The following MOCOS variants were observed in gnomAD, a reference collection of about 807,000 sequenced individuals.
The protein encoded by MOCOS is human molybdenum cofactor sulfurase.
Under a neutral mutation model 83.6 loss-of-function variants are expected in MOCOS, and 86 were observed. The ratio of observed to expected loss-of-function variants is 1.03; its 90% confidence interval spans 0.86 to 1.23. The LOEUF (loss-of-function observed/expected upper bound fraction) is 1.23, where lower values mean the gene tolerates loss of function less well. Ranked by LOEUF, MOCOS falls within the 50% of genes most tolerant of loss-of-function variation. The pLI, the probability that MOCOS is intolerant of heterozygous loss-of-function variation, is 0.00. For missense variants in MOCOS, 1,120 were observed against 1,126.9 expected (o/e 0.99, Z 0.09); for synonymous variants, 445 against 434.7 (o/e 1.02, Z -0.29).
In MOCOS at chr18:36,256,983, C is replaced by A; in HGVS notation, c.2180C>A (p.Thr727Lys). ...KKHGKDQLPG[T>K]MATLSLVNEA... Reference sequence around the variant, plus strand: ...TCATTTTCAGATCAACTTCCTGGTACAATGGCCACCCTTTCTCTGGTGAAT... The same window carrying A: ...TCATTTTCAGATCAACTTCCTGGTAAAATGGCCACCCTTTCTCTGGTGAAT... The change falls in exon 12 of 15, where the codon ACA becomes AAA. Residue 727 changes from threonine to lysine, a missense_variant. Transcript: ENST00000261326. 6.2e-7 allele frequency: 1 copy of A among 1,614,028 alleles called. No individual in the cohort carries two copies. The highest frequency in any genetic ancestry group is 8.5e-7 in the Non-Finnish European group (1 of 1,179,906).
At chr18:36,259,927 C>G in intron 12 of MOCOS, 110 bp from the exon 13 acceptor site, 1 of 1,441,518 alleles carries the variant, frequency 6.9e-7, no homozygotes, top group Non-Finnish European at 9.7e-7. Flanking sequence ...GCACAGGCCA[C>G]AGTAGAGCTG....
At chr18:36,261,092 A>T (rs769525423) in intron 13 of MOCOS, among the ~76,000 whole-genome samples, 3 of 152,100 alleles carry the variant, frequency 2.0e-5, no homozygotes, top group Non-Finnish European at 4.4e-5. Context: ...GTGCTCAATA[A>T]GTAATTGTTG....
Position 36,205,401 on chromosome 18 carries a change from C to T in MOCOS, c.1218+125C>T, listed in dbSNP as rs1568051598. ...ACCAGGCCCTCAGCCACATGCCTTT[C>T]CACCTTCATTCACCCTCGTTTTTCA... On this transcript the variant is annotated intron_variant, in intron 6 of 14. Transcript: ENST00000261326. The T allele has an allele frequency of 4.1e-6, 4 of 974,426 alleles. No homozygotes were observed. In the Admixed American group the frequency reaches 7.4e-5, roughly 18 times the overall value. The allele number at this position is 974,426 out of a possible 1,614,324, so 60.4% of individuals were successfully genotyped here.
intron 11 of MOCOS, among the ~76,000 whole-genome samples, chr18:36,254,366 T>G (rs1263306266): frequency 1.3e-5 from 2 of 152,072 alleles, no homozygotes; most frequent in Admixed American, 1.3e-4. Context: ...ATTGTTCTTT[T>G]CAACAAAGCC....
At chr18:36,222,640 C>T (rs973091036) in intron 9 of MOCOS, among the ~76,000 whole-genome samples, 1 of 146,324 alleles carries the variant, frequency 6.8e-6, no homozygotes, top group African/African-American at 2.5e-5. Flanking sequence ...CTCGCTCTGT[C>T]GCCCAGGCTG....
At chr18:36,219,359 C>T (rs2091487260) in intron 8 of MOCOS, among the ~76,000 whole-genome samples, 1 of 151,982 alleles carries the variant, frequency 6.6e-6, no homozygotes, top group Non-Finnish European at 1.5e-5. Context: ...AATACCTGGA[C>T]AGACACCACT....
intron 3 of MOCOS, among the ~76,000 whole-genome samples, chr18:36,199,105 C>T (rs2144899877): frequency 6.6e-6 from 1 of 152,244 alleles, no homozygotes; most frequent in East Asian, 1.9e-4. Context: ...TTTTCCTTTT[C>T]ATAAGAAGTT....
At chr18:36,201,873 G>A (rs2091416391) in intron 4 of MOCOS, among the ~76,000 whole-genome samples, 1 of 151,988 alleles carries the variant, frequency 6.6e-6, no homozygotes. Context: ...AATCAAATGA[G>A]AAAAGAATGA....
At position 36,226,161 on chromosome 18, in the gene MOCOS, C is replaced by T. The variant is rs186988950; in HGVS notation, c.1960+5944C>T. On this transcript the variant is annotated intron_variant, in intron 9 of 14. Coordinates refer to ENST00000261326, the MANE Select transcript of MOCOS (RefSeq NM_017947.4). ...TTCTTTTGCTGTCTATTTCTCCTTT[C>T]GGTTCTGTCAATGTTTGCTTTATGT... 1.2e-3 allele frequency among the ~76,000 whole-genome samples: 179 copies of T among 152,138 alleles called. 1 individual carries two copies. The highest frequency in any genetic ancestry group is 6.8e-3 in the Middle Eastern group (2 of 294).
chr18:36,231,919 C>T (rs1568060173), intron 9 of MOCOS, among the ~76,000 whole-genome samples: 1 of 152,186 alleles, frequency 6.6e-6, no homozygotes, highest in African/African-American at 2.4e-5. Flanking sequence ...AAGACCCAGG[C>T]ACTTCCTTGA....
At chr18:36,232,100 A>G (rs2091539890) in intron 9 of MOCOS, among the ~76,000 whole-genome samples, 1 of 152,046 alleles carries the variant, frequency 6.6e-6, no homozygotes, top group South Asian at 2.1e-4. Context: ...CAGCCTCCGG[A>G]GTAGCTGGGA....
At chr18:36,255,884 G>GT (rs74181121) in intron 11 of MOCOS, among the ~76,000 whole-genome samples, 3,933 of 133,950 alleles carry the variant, frequency 0.029, 107 homozygotes, top group Non-Finnish European at 0.045. Context: ...CCTTTTAGTA[G>GT]TTTTTTTTTT....
Position 36,199,745 on chromosome 18 carries a change from C to A in MOCOS, c.362C>A (p.Thr121Lys), listed in dbSNP as rs770229881. The A allele has an allele frequency of 1.9e-6, 3 of 1,614,056 alleles. No individual in the cohort carries two copies. The highest frequency in any genetic ancestry group is 2.5e-6 in the Non-Finnish European group (3 of 1,180,052). ...DYTVIFTAGS[T>K]AALKLVAEAF... ...ACTGTGATCTTCACTGCCGGGAGCA[C>A]GGCTGCTCTCAAACTGGTGGCAGAG... The change falls in exon 4 of 15, where the codon ACG becomes AAG. Residue 121 changes from threonine (T) to lysine (K), a missense_variant. Transcript: ENST00000261326.
intron 2 of MOCOS, among the ~76,000 whole-genome samples, chr18:36,195,580 G>A (rs772358092): frequency 1.3e-5 from 2 of 152,166 alleles, no homozygotes; most frequent in Non-Finnish European, 2.9e-5. Flanking sequence ...AGAAGAAGAG[G>A]CCAGTGTTAG....
chr18:36,252,144 A>G (rs1036242719), intron 11 of MOCOS, among the ~76,000 whole-genome samples: 2 of 152,146 alleles, frequency 1.3e-5, no homozygotes, highest in African/African-American at 4.8e-5. Flanking sequence ...ACATGGCTAG[A>G]TGAATGAATG....
intron 5 of MOCOS, among the ~76,000 whole-genome samples, chr18:36,204,436 TAAAA>T (rs1265331236): frequency 6.6e-6 from 1 of 152,160 alleles, no homozygotes; most frequent in Non-Finnish European, 1.5e-5. Context: ...ACATTAATAA[TAAAA>T]ACAAACAGCA....
At position 36,203,744 on chromosome 18, in the gene MOCOS, G is replaced by A. The variant is rs564731717; in HGVS notation, c.1018+555G>A. On this transcript the variant is annotated intron_variant, in intron 5 of 14. Transcript: ENST00000261326. ...TCCTGGCCATTGCTCTTTTGTCACA[G>A]TAATGGGACCCTTCAGTGCCTTAAC... 4.6e-5 allele frequency among the ~76,000 whole-genome samples: 7 copies of A among 152,362 alleles called. No homozygotes were observed. In the East Asian group the frequency reaches 1.2e-3, roughly 25 times the overall value.
Position 36,245,634 on chromosome 18 carries a change from G to A in MOCOS, c.1961-3288G>A, listed in dbSNP as rs548455839. 3.3e-5 allele frequency among the ~76,000 whole-genome samples: 5 copies of A among 152,232 alleles called. No individual in the cohort carries two copies. The East Asian group carries it at 9.7e-4, about 29-fold the overall frequency. On this transcript the variant is annotated intron_variant, in intron 9 of 14. Coordinates refer to ENST00000261326, the MANE Select transcript of MOCOS (RefSeq NM_017947.4). ...TAATCCTTTTGCTATGAATTTCCCA[G>A]GTGTTCTTTAAGCTTTTTATATGTG...
At chr18:36,223,203 C>A (rs1359088739) in intron 9 of MOCOS, among the ~76,000 whole-genome samples, 1 of 152,114 alleles carries the variant, frequency 6.6e-6, no homozygotes, top group African/African-American at 2.4e-5. Context: ...ATGTTTTCTG[C>A]CAGGAGCTTT....
Sources: gnomAD v4.1 joint callset for allele counts (sites outside exome capture counted in the v4.1 genomes callset) on GRCh38, gnomAD v4.1.1 for gene constraint, MANE v1.5 for transcripts, NCBI Gene and HGNC (gene_info 2026-07-23, HGNC 2026-07-21) for gene names.